Variants in TBC1D5 observed in about 807,000 individuals in gnomAD.
The protein encoded by TBC1D5 is TBC1 domain family, member 5.
In TBC1D5, 75 loss-of-function variants were observed where a neutral mutation model predicts 100.3. The observed-to-expected ratio is 0.75, with a 90% confidence interval of 0.62 to 0.91. The LOEUF is 0.91. TBC1D5 is among the 40% of genes least tolerant of loss of function. The pLI, the probability that TBC1D5 is intolerant of heterozygous loss-of-function variation, is 0.00. For synonymous variants in TBC1D5, 323 were observed against 325.6 expected, an observed-to-expected ratio of 0.99 and a Z score of 0.09; for missense variants, 910 against 942.4, an observed-to-expected ratio of 0.97 and a Z score of 0.45.
chr3:17,311,380 C>T (rs1406167195), intron 13 of TBC1D5, among the ~76,000 whole-genome samples: 1 of 151,912 alleles, frequency 6.6e-6, no homozygotes, highest in East Asian at 1.9e-4. Context: ...TCTGCAGAAA[C>T]AGAAAAGAGT....
At position 17,454,715 on chromosome 3, in the gene TBC1D5, A is replaced by C. The variant is rs182820388; in HGVS notation, c.98-26196T>G. Among the ~76,000 whole-genome samples the C allele has an allele frequency of 3.5e-3, 527 of 152,246 alleles. 3 individuals are homozygous for C. The highest frequency in any genetic ancestry group is 0.012 in the African/African-American group (512 of 41,526). ...GACCTCGTGATCCGCCTGCCTCGGC[A>C]TCCCAAAGTATTGGGATTACAGGCA... On this transcript the variant is annotated intron_variant, in intron 3 of 21. Coordinates refer to ENST00000253692, the Ensembl canonical transcript of TBC1D5.
exon 22 of TBC1D5, chr3:17,160,328 C>CTGTT (rs1275083512): frequency 2.6e-5 from 4 of 152,104 alleles, no homozygotes; most frequent in Non-Finnish European, 4.4e-5. Flanking sequence ...AGCTTAGATC[C>CTGTT]TGTTTGCAGA....
At chr3:17,563,829 C>T (rs1424495001) in intron 2 of TBC1D5, among the ~76,000 whole-genome samples, 4 of 152,180 alleles carry the variant, frequency 2.6e-5, no homozygotes, top group Non-Finnish European at 4.4e-5. Context: ...GTTGCCCAGG[C>T]TGGAGTGCAG....
intron 2 of TBC1D5, among the ~76,000 whole-genome samples, chr3:17,553,892 A>G (rs2096494030): frequency 6.6e-6 from 1 of 152,198 alleles, no homozygotes; most frequent in Non-Finnish European, 1.5e-5. Context: ...ACAACAATCC[A>G]AGTATTTACC....
At chr3:17,705,109 C>T (rs549840313) in intron 1 of TBC1D5, among the ~76,000 whole-genome samples, 6 of 129,212 alleles carry the variant, frequency 4.6e-5, no homozygotes, top group African/African-American at 1.7e-4. Flanking sequence ...GCTGACCCCC[C>T]ACCTCCCTCC....
intron 17 of TBC1D5, among the ~76,000 whole-genome samples, chr3:17,236,740 A>G (rs569728392): frequency 1.3e-5 from 2 of 152,270 alleles, no homozygotes; most frequent in Admixed American, 1.3e-4. Flanking sequence ...TCGGCCTCCC[A>G]AAGTGCTGGG....
At chr3:17,637,263 C>T (rs1412563822) in intron 1 of TBC1D5, among the ~76,000 whole-genome samples, 1 of 133,874 alleles carries the variant, frequency 7.5e-6, no homozygotes, top group Non-Finnish European at 1.5e-5. Flanking sequence ...AGGATGGTCT[C>T]AATCTCCTGA....
intron 3 of TBC1D5, among the ~76,000 whole-genome samples, chr3:17,440,337 G>T (rs1157947767): frequency 6.6e-6 from 1 of 152,108 alleles, no homozygotes; most frequent in Non-Finnish European, 1.5e-5. Context: ...GTAAAAGAAG[G>T]GCTATAGGCC....
At chr3:17,215,562 G>C (rs2073534118) in intron 17 of TBC1D5, among the ~76,000 whole-genome samples, 1 of 152,112 alleles carries the variant, frequency 6.6e-6, no homozygotes, top group East Asian at 1.9e-4. Flanking sequence ...ATAAGCAGTG[G>C]GAAATGAGTC....
intron 14 of TBC1D5, among the ~76,000 whole-genome samples, chr3:17,295,479 A>T (rs1016245836): frequency 6.6e-6 from 1 of 152,238 alleles, no homozygotes; most frequent in Admixed American, 6.5e-5. Context: ...GTGCCCCACA[A>T]CTATTCTGGA....
At chr3:17,308,652 A>AGAT (rs2083654019) in intron 13 of TBC1D5, among the ~76,000 whole-genome samples, 1 of 152,194 alleles carries the variant, frequency 6.6e-6, no homozygotes, top group African/African-American at 2.4e-5. Context: ...AAAAGCCAGT[A>AGAT]GATAACCATT....
chr3:17,634,263 A>G (rs1357102195), intron 1 of TBC1D5, among the ~76,000 whole-genome samples: 5 of 152,222 alleles, frequency 3.3e-5, no homozygotes, highest in Middle Eastern at 3.2e-3. Context: ...TCAAAGAGGT[A>G]TCTGCACTCC....
intron 17 of TBC1D5, among the ~76,000 whole-genome samples, chr3:17,229,657 G>C (rs962208795): frequency 6.6e-6 from 1 of 152,102 alleles, no homozygotes; most frequent in African/African-American, 2.4e-5. Flanking sequence ...AACAACCCTT[G>C]AAGTAGCTGC....
At chr3:17,385,408 G>C (rs968501237) in intron 8 of TBC1D5, among the ~76,000 whole-genome samples, 1 of 152,008 alleles carries the variant, frequency 6.6e-6, no homozygotes, top group African/African-American at 2.4e-5. Flanking sequence ...AAGAGCAGTA[G>C]TGGCTGTTTT....
At chr3:17,408,500 T>A (rs1172962219) in intron 4 of TBC1D5, among the ~76,000 whole-genome samples, 1 of 152,016 alleles carries the variant, frequency 6.6e-6, no homozygotes, top group African/African-American at 2.4e-5. Flanking sequence ...CTTTTGTAAC[T>A]TTTTGTAGAG....
chr3:17,268,896 C>T (rs2079090681), intron 15 of TBC1D5, among the ~76,000 whole-genome samples: 1 of 152,066 alleles, frequency 6.6e-6, no homozygotes. Context: ...ATGGATACTA[C>T]TATACTAGTT....
chr3:17,513,088 C>T (rs1347640588), intron 2 of TBC1D5, among the ~76,000 whole-genome samples: 1 of 152,070 alleles, frequency 6.6e-6, no homozygotes, highest in Non-Finnish European at 1.5e-5. Flanking sequence ...AATCCCAGCA[C>T]TTTGGGAGGC....
At chr3:17,473,726 C>T (rs1249487715) in intron 3 of TBC1D5, among the ~76,000 whole-genome samples, 1 of 152,116 alleles carries the variant, frequency 6.6e-6, no homozygotes, top group Non-Finnish European at 1.5e-5. Flanking sequence ...TATGAATAAA[C>T]AGATCATGTG....
At chr3:17,600,827 C>A (rs9844794) in intron 2 of TBC1D5, among the ~76,000 whole-genome samples, 3 of 150,860 alleles carry the variant, frequency 2.0e-5, no homozygotes, top group Non-Finnish European at 2.9e-5. Flanking sequence ...AAAGACCGGG[C>A]GGGGGAAAAA....
Sources: allele counts gnomAD v4.1 joint callset (sites outside exome capture counted in the v4.1 genomes callset), GRCh38; gene constraint gnomAD v4.1.1; transcripts MANE v1.5; gene names NCBI Gene and HGNC (gene_info 2026-07-23, HGNC 2026-07-21).